ERC2: variants seen among roughly 807,000 people sequenced by gnomAD.
ERC2 encodes ELKS/RAB6-interacting/CAST family member 2, also known as ERC protein 2.
In ERC2, 42 loss-of-function variants were observed where a neutral mutation model predicts 114.8. The ratio of observed to expected loss-of-function variants is 0.37; its 90% CI spans 0.29 to 0.47. The LOEUF (loss-of-function observed/expected upper bound fraction) is 0.47, where lower values mean the gene tolerates loss of function less well. Ranked by LOEUF, ERC2 falls within the 20% of genes least tolerant of loss-of-function variation. The probability of loss-of-function intolerance (pLI) is 0.99; values close to 1 mark genes in which losing one functional copy is unlikely to be tolerated. For missense variants in ERC2, 939 were observed against 1,150.7 expected, an observed-to-expected ratio of 0.82 and a Z score of 2.66; for synonymous variants, 454 against 425.5, an observed-to-expected ratio of 1.07 and a Z score of -0.82.
At chr3:56,343,192 T>TCA (rs61632315) in intron 2 of ERC2, among the ~76,000 whole-genome samples, 8 of 126,206 alleles carry the variant, frequency 6.3e-5, no homozygotes, top group Admixed American at 1.7e-4. Context: ...TCTCTCTCTC[T>TCA]CACACACACA....
intron 17 of ERC2, among the ~76,000 whole-genome samples, chr3:55,544,759 CCA>C (rs201476215): frequency 0.02 from 3,110 of 152,302 alleles, 65 homozygotes; most frequent in Middle Eastern, 0.058. Flanking sequence ...CACTATCATT[CCA>C]CACAACCATA....
At chr3:55,712,453 G>A (rs766385665) in intron 15 of ERC2, among the ~76,000 whole-genome samples, 4 of 152,206 alleles carry the variant, frequency 2.6e-5, no homozygotes, top group Non-Finnish European at 5.9e-5. Flanking sequence ...CCATTAGCAG[G>A]AATAAATGTT....
At chr3:55,964,695 TG>T (rs763689473) in intron 12 of ERC2, among the ~76,000 whole-genome samples, 4 of 152,242 alleles carry the variant, frequency 2.6e-5, no homozygotes, top group Non-Finnish European at 5.9e-5. Context: ...ACAGCTCAGC[TG>T]GTCCCTCTGT....
chr3:56,092,122 A>G (rs1204772495), intron 6 of ERC2, among the ~76,000 whole-genome samples: 1 of 152,228 alleles, frequency 6.6e-6, no homozygotes, highest in East Asian at 1.9e-4. Context: ...AGGGATATTT[A>G]GTATCATATA....
In ERC2 at chr3:55,527,304, T is replaced by G. The variant is rs570427237; in HGVS notation, c.*40-16028A>C. ...TGAGAGAAATAGCATAGACCAGACA[T>G]GTTAGTGCTTAGTGGGGGGCCTCAC... On this transcript the variant is annotated intron_variant, in intron 17 of 17. Transcript: ENST00000288221. 1.1e-3 allele frequency among the ~76,000 whole-genome samples: 168 copies of G among 152,320 alleles called. 1 individual carries two copies. The highest frequency in any genetic ancestry group is 3.8e-3 in the African/African-American group (158 of 41,568).
At chr3:56,310,543 T>C (rs1402144907) in intron 2 of ERC2, among the ~76,000 whole-genome samples, 1 of 152,200 alleles carries the variant, frequency 6.6e-6, no homozygotes, top group African/African-American at 2.4e-5. Flanking sequence ...GTGGCAGGCA[T>C]TGAACTATAT....
At chr3:55,571,185 A>T (rs931022219) in intron 17 of ERC2, among the ~76,000 whole-genome samples, 1 of 151,810 alleles carries the variant, frequency 6.6e-6, no homozygotes, top group African/African-American at 2.4e-5. Context: ...CTGGTTAGAA[A>T]ACTCTATGAT....
At chr3:55,895,369 CCTCT>C (rs1233421524) in intron 13 of ERC2, among the ~76,000 whole-genome samples, 1 of 152,144 alleles carries the variant, frequency 6.6e-6, no homozygotes, top group Non-Finnish European at 1.5e-5. Flanking sequence ...ACGTTACTGA[CCTCT>C]CTAAGCCTAC....
chr3:56,188,336 C>A (rs1266528542), intron 3 of ERC2, among the ~76,000 whole-genome samples: 1 of 152,108 alleles, frequency 6.6e-6, no homozygotes, highest in Non-Finnish European at 1.5e-5. Flanking sequence ...GTGGAGAAGG[C>A]GTGGGAGAGG....
intron 3 of ERC2, among the ~76,000 whole-genome samples, chr3:56,201,457 C>T (rs2048400829): frequency 6.6e-6 from 1 of 152,184 alleles, no homozygotes; most frequent in South Asian, 2.1e-4. Context: ...GTCAGCAAGG[C>T]CCAAGCCCTC....
At chr3:55,867,447 T>C (rs527599195) in intron 14 of ERC2, among the ~76,000 whole-genome samples, 2 of 152,290 alleles carry the variant, frequency 1.3e-5, no homozygotes, top group South Asian at 4.1e-4. Flanking sequence ...GTAGTGACCA[T>C]ACATACACAA....
intron 13 of ERC2, among the ~76,000 whole-genome samples, chr3:55,915,963 A>C (rs2065068430): frequency 6.6e-6 from 1 of 152,194 alleles, no homozygotes; most frequent in Non-Finnish European, 1.5e-5. Flanking sequence ...CTAGTAATAA[A>C]TATTTTCAAA....
At chr3:55,744,296 C>T (rs2066172063) in intron 14 of ERC2, among the ~76,000 whole-genome samples, 1 of 152,098 alleles carries the variant, frequency 6.6e-6, no homozygotes, top group Non-Finnish European at 1.5e-5. Context: ...CTCAGCTACT[C>T]AGGAGGCTGA....
At chr3:56,230,900 C>T (rs1362217217) in intron 3 of ERC2, among the ~76,000 whole-genome samples, 6 of 152,258 alleles carry the variant, frequency 3.9e-5, no homozygotes, top group African/African-American at 1.4e-4. Context: ...AGTTTTTAGG[C>T]CTATTTCACC....
chr3:56,024,598 G>C (rs958119459), intron 7 of ERC2, among the ~76,000 whole-genome samples: 1 of 152,218 alleles, frequency 6.6e-6, no homozygotes, highest in Admixed American at 6.5e-5. Flanking sequence ...AAGGCATACA[G>C]CCCAACTGCA....
intron 4 of ERC2, among the ~76,000 whole-genome samples, chr3:56,170,583 C>CTTT (rs1472487291): frequency 1.2e-5 from 1 of 84,988 alleles, no homozygotes; most frequent in African/African-American, 4.4e-5. Context: ...GAAATCTCTT[C>CTTT]TGTTTTTTTT....
At chr3:56,081,263 T>G (rs1034186938) in intron 6 of ERC2, among the ~76,000 whole-genome samples, 7 of 152,190 alleles carry the variant, frequency 4.6e-5, no homozygotes, top group African/African-American at 1.4e-4. Flanking sequence ...TTTGTTTCCC[T>G]ACTACAACAT....
At chr3:56,155,784 C>G (rs562407019) in intron 4 of ERC2, among the ~76,000 whole-genome samples, 1 of 152,130 alleles carries the variant, frequency 6.6e-6, no homozygotes, top group South Asian at 2.1e-4. Context: ...ATCAAGAGCA[C>G]TCAGCATGTG....
intron 3 of ERC2, among the ~76,000 whole-genome samples, chr3:56,258,289 T>C (rs932136075): frequency 3.3e-5 from 5 of 152,174 alleles, no homozygotes; most frequent in African/African-American, 1.2e-4. Flanking sequence ...CTGTCACAGC[T>C]ACTCAGCTCT....
Sources: gnomAD v4.1 joint callset for allele counts (sites outside exome capture counted in the v4.1 genomes callset) on GRCh38, gnomAD v4.1.1 for gene constraint, MANE v1.5 for transcripts, NCBI Gene and HGNC (gene_info 2026-07-23, HGNC 2026-07-21) for gene names.